Variants in RNF144A observed in about 807,000 individuals in gnomAD.
RNF144A encodes ring finger protein 144A, also known as E3 ubiquitin-protein ligase RNF144A.
RNF144A carries 11 observed loss-of-function variants against 38.7 expected under a neutral mutation model. The ratio of observed to expected loss-of-function variants is 0.28; its 90% CI spans 0.18 to 0.47. RNF144A has a LOEUF of 0.47. RNF144A is among the 20% of genes least tolerant of loss of function. The probability of loss-of-function intolerance (pLI) is 0.99; values close to 1 mark genes in which losing one functional copy is unlikely to be tolerated. For synonymous variants in RNF144A, 149 were observed against 143.9 expected, an observed-to-expected ratio of 1.04 and a Z score of -0.25; for missense variants, 316 against 377.2, an observed-to-expected ratio of 0.84 and a Z score of 1.34.
intron 1 of RNF144A, chr2:6,933,345 C>T (rs1210175684): frequency 6.6e-6 from 1 of 152,150 alleles, no homozygotes; most frequent in Non-Finnish European, 1.5e-5. Flanking sequence ...GAAGGAAGAG[C>T]CTCTACTAAC....
At chr2:7,051,954 A>G (rs1572483831) in intron 6 of RNF144A, among the ~76,000 whole-genome samples, 1 of 152,128 alleles carries the variant, frequency 6.6e-6, no homozygotes, top group Non-Finnish European at 1.5e-5. Flanking sequence ...ATTCAGAATA[A>G]CCCAAGGACA....
intron 6 of RNF144A, among the ~76,000 whole-genome samples, chr2:7,050,821 C>T (rs900900471): frequency 1.4e-4 from 21 of 152,184 alleles, no homozygotes; most frequent in Non-Finnish European, 2.9e-4. Context: ...AGGGGAATGT[C>T]GAAGGGAACG....
At chr2:7,031,296 T>C (rs575912038) in intron 8 of RNF144A, among the ~76,000 whole-genome samples, 1 of 152,332 alleles carries the variant, frequency 6.6e-6, no homozygotes, top group Non-Finnish European at 1.5e-5. Flanking sequence ...TGCTGGGTAC[T>C]GCTGTAGGAG....
chr2:6,959,374 CT>C (rs1225082932), intron 2 of RNF144A, among the ~76,000 whole-genome samples: 4 of 152,146 alleles, frequency 2.6e-5, no homozygotes, highest in Non-Finnish European at 5.9e-5. Context: ...TAATAGATTA[CT>C]AGGAAAACAG....
chr2:6,936,823 T>A (rs1665617232), intron 1 of RNF144A, among the ~76,000 whole-genome samples: 1 of 148,606 alleles, frequency 6.7e-6, no homozygotes, highest in South Asian at 2.2e-4. Flanking sequence ...GTATATCAGA[T>A]TTTTTCAAGT....
chr2:6,983,925 C>T (rs1668795732), intron 2 of RNF144A, among the ~76,000 whole-genome samples: 1 of 152,240 alleles, frequency 6.6e-6, no homozygotes, highest in Non-Finnish European at 1.5e-5. Context: ...ACTGCACATT[C>T]TGAGCAGCTT....
intron 2 of RNF144A, among the ~76,000 whole-genome samples, chr2:6,949,891 A>G (rs1666568661): frequency 1.3e-5 from 2 of 152,184 alleles, no homozygotes; most frequent in Admixed American, 6.5e-5. Flanking sequence ...ATTAAGTAAA[A>G]ATTTAAATTC....
chr2:6,961,504 A>G (rs778298664), intron 2 of RNF144A, among the ~76,000 whole-genome samples: 9 of 152,168 alleles, frequency 5.9e-5, no homozygotes, highest in Non-Finnish European at 1.2e-4. Context: ...TATTTGATAC[A>G]GATCCAGCCT....
intron 6 of RNF144A, among the ~76,000 whole-genome samples, chr2:7,054,763 T>C (rs1298700324): frequency 2.6e-5 from 4 of 152,196 alleles, no homozygotes; most frequent in Non-Finnish European, 4.4e-5. Context: ...GCCAGTGCCT[T>C]GATCTTGGAC....
intron 6 of RNF144A, among the ~76,000 whole-genome samples, chr2:7,060,175 T>C (rs1037834036): frequency 1.3e-5 from 2 of 152,152 alleles, no homozygotes; most frequent in Non-Finnish European, 2.9e-5. Flanking sequence ...TCCTCTCACT[T>C]CTCTTCTTTG....
intron 3 of RNF144A, among the ~76,000 whole-genome samples, chr2:7,005,449 GGGAGAA>G (rs1280524232): frequency 1.3e-5 from 2 of 152,146 alleles, no homozygotes; most frequent in Non-Finnish European, 2.9e-5. Flanking sequence ...TTTTTCGATG[GGGAGAA>G]GGCTGACTTG....
chr2:6,934,159 A>G (rs1159367818), intron 1 of RNF144A, among the ~76,000 whole-genome samples: 1 of 152,206 alleles, frequency 6.6e-6, no homozygotes, highest in African/African-American at 2.4e-5. Flanking sequence ...TCCACATTCA[A>G]CAGTATTGGG....
At chr2:6,966,158 A>G (rs1227770628) in intron 2 of RNF144A, among the ~76,000 whole-genome samples, 1 of 152,262 alleles carries the variant, frequency 6.6e-6, no homozygotes. Flanking sequence ...ACACCGGAAT[A>G]TTTTAAAATT....
At chr2:7,023,988 C>T (rs1046017074) in intron 6 of RNF144A, among the ~76,000 whole-genome samples, 2 of 152,164 alleles carry the variant, frequency 1.3e-5, no homozygotes, top group Admixed American at 6.5e-5. Context: ...TATATCAACC[C>T]TTTGGAAAGT....
intron 3 of RNF144A, among the ~76,000 whole-genome samples, chr2:7,011,670 G>A (rs954426978): frequency 6.6e-6 from 1 of 152,164 alleles, no homozygotes; most frequent in African/African-American, 2.4e-5. Flanking sequence ...AAATGTGTCA[G>A]TATCTGCTTT....
chr2:6,997,598 T>C (rs1669835959), intron 3 of RNF144A, among the ~76,000 whole-genome samples: 1 of 152,242 alleles, frequency 6.6e-6, no homozygotes, highest in South Asian at 2.1e-4. Context: ...TGGGGACTTC[T>C]AAGTCAAGAA....
At chr2:7,033,688 A>G (rs1431685015) in intron 8 of RNF144A, among the ~76,000 whole-genome samples, 1 of 152,066 alleles carries the variant, frequency 6.6e-6, no homozygotes, top group Non-Finnish European at 1.5e-5. Context: ...ATCCAAGAAG[A>G]GCCCTCCCTC....
intron 1 of RNF144A, among the ~76,000 whole-genome samples, chr2:6,925,084 T>C (rs1664775982): frequency 6.6e-6 from 1 of 152,222 alleles, no homozygotes; most frequent in South Asian, 2.1e-4. Context: ...CTTTGTAGCC[T>C]AGGGCAGTGG....
intron 1 of RNF144A, among the ~76,000 whole-genome samples, chr2:6,931,589 T>G (rs1418542424): frequency 6.6e-6 from 1 of 152,266 alleles, no homozygotes; most frequent in Admixed American, 6.5e-5. Context: ...CAGTTAAAGA[T>G]AGCCTAGATG....
Sources: gnomAD v4.1 joint callset for allele counts (sites outside exome capture counted in the v4.1 genomes callset) on GRCh38, gnomAD v4.1.1 for gene constraint, MANE v1.5 for transcripts, NCBI Gene and HGNC (gene_info 2026-07-23, HGNC 2026-07-21) for gene names.